Variants in PPP2R3A observed in about 807,000 individuals in gnomAD.
The protein encoded by PPP2R3A is protein phosphatase 2 regulatory subunit B''alpha.
A neutral mutation model predicts 106.9 loss-of-function variants in PPP2R3A; 80 were observed. That is an observed-to-expected ratio of 0.75 (90% CI 0.62 to 0.90). PPP2R3A has a LOEUF of 0.90. PPP2R3A is among the 40% of genes least tolerant of loss of function. The pLI is 0.00. For synonymous variants in PPP2R3A, 483 were observed against 468.3 expected (o/e 1.03, Z -0.41); for missense variants, 1,386 against 1,350.4 (o/e 1.03, Z -0.41).
intron 2 of PPP2R3A, among the ~76,000 whole-genome samples, chr3:136,010,552 A>G (rs1462340426): frequency 4.3e-5 from 6 of 140,924 alleles, no homozygotes; most frequent in African/African-American, 1.6e-4. Context: ...TCAGCCTCCC[A>G]AGTAGCTGGG....
intron 4 of PPP2R3A, among the ~76,000 whole-genome samples, chr3:136,041,648 A>G (rs1935292533): frequency 7.5e-6 from 1 of 133,524 alleles, no homozygotes; most frequent in African/African-American, 3.2e-5. Context: ...GATGTGTCAC[A>G]TGGGAAATAC....
rs1937081022 is a variant in PPP2R3A, at chr3:135,966,261, T to G, written c.-441+412T>G. On this transcript the variant is annotated intron_variant, in intron 1 of 13. Coordinates refer to ENST00000264977, the MANE Select transcript of PPP2R3A (RefSeq NM_002718.5). ...GGCAGAGAAACAAATGCCAGCGTTT[T>G]GGAAGAACTGAGAGTCACGTCGTTA... 2.0e-5 allele frequency among the ~76,000 whole-genome samples: 3 copies of G among 152,202 alleles called. No individual in the cohort carries two copies. In the South Asian group the frequency reaches 6.2e-4, roughly 31 times the overall value.
chr3:136,030,825 TACAC>T (rs375422855), intron 3 of PPP2R3A, among the ~76,000 whole-genome samples: 55 of 142,362 alleles, frequency 3.9e-4, no homozygotes, highest in Middle Eastern at 3.6e-3. Flanking sequence ...TATGTATGTA[TACAC>T]ACACACACAC....
chr3:136,120,386 G>A (rs970746012), intron 13 of PPP2R3A, among the ~76,000 whole-genome samples: 8 of 152,224 alleles, frequency 5.3e-5, no homozygotes, highest in Non-Finnish European at 1.0e-4. Flanking sequence ...TCAGGAGCTC[G>A]AGACCAGCCT....
intron 7 of PPP2R3A, among the ~76,000 whole-genome samples, 197 bp downstream of exon 7, chr3:136,078,650 T>C (rs558998265): frequency 1.6e-5 from 2 of 126,306 alleles, no homozygotes; most frequent in South Asian, 4.8e-4. Context: ...ATAAGGGATC[T>C]CTGCCTGAAG....
At chr3:136,072,622 C>G (rs1559903417) in intron 6 of PPP2R3A, among the ~76,000 whole-genome samples, 1 of 152,118 alleles carries the variant, frequency 6.6e-6, no homozygotes, top group Non-Finnish European at 1.5e-5. Flanking sequence ...CTAGCTCTGG[C>G]TGCAGTCCCA....
At chr3:136,128,672 T>C (rs1576332470) in intron 13 of PPP2R3A, among the ~76,000 whole-genome samples, 1 of 152,186 alleles carries the variant, frequency 6.6e-6, no homozygotes, top group South Asian at 2.1e-4. Context: ...AGCGACCTAA[T>C]AGACATCTAC....
chr3:136,008,650 T>A (rs929278181), intron 2 of PPP2R3A, among the ~76,000 whole-genome samples: 2 of 152,212 alleles, frequency 1.3e-5, no homozygotes, highest in African/African-American at 4.8e-5. Flanking sequence ...CCCTTTTTGT[T>A]ATTAATATAT....
intron 13 of PPP2R3A, among the ~76,000 whole-genome samples, chr3:136,111,311 C>A (rs1295395092): frequency 6.6e-6 from 1 of 151,930 alleles, no homozygotes; most frequent in Non-Finnish European, 1.5e-5. Context: ...ATTTCTCCAA[C>A]AATGGTTAAA....
At chr3:136,095,574 A>T (rs74928453) in intron 10 of PPP2R3A, among the ~76,000 whole-genome samples, 75 of 152,240 alleles carry the variant, frequency 4.9e-4, no homozygotes, top group Admixed American at 2.1e-3. Flanking sequence ...CTCTACCACT[A>T]TATGGCCTGT....
chr3:136,082,037 A>G (rs775145936), intron 7 of PPP2R3A, among the ~76,000 whole-genome samples: 1 of 152,126 alleles, frequency 6.6e-6, no homozygotes, highest in African/African-American at 2.4e-5. Context: ...CTGCTTTTAC[A>G]TCCTCCACAG....
intron 1 of PPP2R3A, among the ~76,000 whole-genome samples, chr3:135,966,321 G>A (rs1937083464): frequency 6.6e-6 from 1 of 152,178 alleles, no homozygotes; most frequent in Non-Finnish European, 1.5e-5. Context: ...CCCGCCCCCT[G>A]CCCAACCTCG....
At chr3:135,976,745 CTTAACT>C (rs1287303186) in intron 1 of PPP2R3A, among the ~76,000 whole-genome samples, 3 of 152,030 alleles carry the variant, frequency 2.0e-5, no homozygotes, top group African/African-American at 7.2e-5. Context: ...TTTGATTTTA[CTTAACT>C]TTAATACTTC....
In PPP2R3A at chr3:136,003,098, G is replaced by A. The variant is rs1576426337; in HGVS notation, c.1600G>A (p.Gly534Ser). The A allele has an allele frequency of 6.2e-7, 1 of 1,610,742 alleles. No individual in the cohort carries two copies. The highest frequency in any genetic ancestry group is 8.5e-7 in the Non-Finnish European group (1 of 1,179,244). The change falls in exon 2 of 14, where the codon GGT becomes AGT. Residue 534 changes from glycine (G) to serine (S), a missense_variant. Physicochemically the swap from Gly to Ser is moderately conservative, Grantham distance 56 (BLOSUM62 0). Transcript: ENST00000264977. Reference sequence around the variant, plus strand: ...CTCTCTAAGAGAGCCACTTGCGAAGGGTAAAAACTCTAATTTTTTAAATAG... The same window carrying A: ...CTCTCTAAGAGAGCCACTTGCGAAGAGTAAAAACTCTAATTTTTTAAATAG... ...ETSLREPLAKGKNSNFLNSHS... is the reference protein window; with the variant it reads ...ETSLREPLAKSKNSNFLNSHS...
At chr3:136,087,245 G>GACTC (rs1936964925) in intron 8 of PPP2R3A, among the ~76,000 whole-genome samples, 1 of 75,078 alleles carries the variant, frequency 1.3e-5, no homozygotes, top group African/African-American at 4.6e-5. Context: ...CTCTAGTCGT[G>GACTC]TCTCTCTCTC....
intron 10 of PPP2R3A, among the ~76,000 whole-genome samples, chr3:136,100,407 G>A (rs1427127413): frequency 6.6e-6 from 1 of 151,874 alleles, no homozygotes; most frequent in Non-Finnish European, 1.5e-5. Context: ...AGGCGCCGTG[G>A]CTCACGCCTG....
rs2107791172 is a variant in PPP2R3A at position 136,003,141 on chromosome 3, G to A, written c.1643G>A (p.Gly548Asp). ...NFLNSHSQLTGQTLVDLEPKS... is the reference protein window; with the variant it reads ...NFLNSHSQLTDQTLVDLEPKS... ...TTAAATAGTCACAGTCAGTTGACCG[G>A]TCAGACCCTTGTAGATCTTGAGCCT... is the stretch of plus-strand genomic sequence containing the variant. The change falls in exon 2 of 14, where the codon GGT becomes GAT. Residue 548 changes from glycine to aspartate, a missense_variant. Gly to Asp is a moderately conservative substitution (Grantham distance 94). Coordinates refer to ENST00000264977, the MANE Select transcript of PPP2R3A (RefSeq NM_002718.5). The A allele has an allele frequency of 6.2e-7, 1 of 1,613,832 alleles. No individual in the cohort carries two copies. The highest frequency in any genetic ancestry group is 8.5e-7 in the Non-Finnish European group (1 of 1,179,884).
intron 13 of PPP2R3A, among the ~76,000 whole-genome samples, chr3:136,126,355 G>A (rs1022427553): frequency 2.6e-5 from 4 of 152,230 alleles, no homozygotes; most frequent in African/African-American, 9.6e-5. Context: ...TGCCCATGGA[G>A]CCTTGCTCAC....
chr3:136,074,694 A>G (rs1936542283), intron 6 of PPP2R3A, among the ~76,000 whole-genome samples: 1 of 152,194 alleles, frequency 6.6e-6, no homozygotes, highest in Non-Finnish European at 1.5e-5. Context: ...TCTTAGTGAT[A>G]TATTCAGTAT....
Sources: allele counts gnomAD v4.1 joint callset (sites outside exome capture counted in the v4.1 genomes callset), GRCh38; gene constraint gnomAD v4.1.1; transcripts MANE v1.5; gene names NCBI Gene and HGNC (gene_info 2026-07-23, HGNC 2026-07-21).